Variants in EIPR1 observed in about 807,000 individuals in gnomAD.
EIPR1 encodes EARP complex and GARP complex interacting protein 1.
A neutral mutation model predicts 48.1 loss-of-function variants in EIPR1; 25 were observed. That is an observed-to-expected ratio of 0.52 (90% CI 0.38 to 0.73). The LOEUF (loss-of-function observed/expected upper bound fraction) is 0.73, where lower values mean the gene tolerates loss of function less well. Among genes scored for constraint, EIPR1 ranks in the 30% least tolerant of loss-of-function variants. The pLI is 0.00. For synonymous variants in EIPR1, 204 were observed against 201.9 expected (o/e 1.01, Z -0.09); for missense variants, 415 against 506.2 (o/e 0.82, Z 1.73).
intron 3 of EIPR1, among the ~76,000 whole-genome samples, chr2:3,284,457 G>A (rs868415660): frequency 8.3e-5 from 10 of 120,434 alleles, no homozygotes; most frequent in African/African-American, 1.6e-4. Flanking sequence ...GCCGCGCCAC[G>A]GCTGCACATA....
intron 5 of EIPR1, among the ~76,000 whole-genome samples, chr2:3,202,775 C>G (rs879903796): frequency 6.6e-6 from 1 of 152,184 alleles, no homozygotes; most frequent in African/African-American, 2.4e-5. Context: ...AATGGAGCAC[C>G]GCTTGCGTCC....
chr2:3,256,265 C>G (rs1430993048), intron 4 of EIPR1, among the ~76,000 whole-genome samples: 1 of 152,198 alleles, frequency 6.6e-6, no homozygotes, highest in African/African-American at 2.4e-5. Flanking sequence ...AACTCCACCT[C>G]GTAAGCGAAT....
At chr2:3,214,964 T>C (rs1332512347) in intron 4 of EIPR1, among the ~76,000 whole-genome samples, 1 of 152,126 alleles carries the variant, frequency 6.6e-6, no homozygotes, top group East Asian at 1.9e-4. Context: ...CCTGTCTCTC[T>C]CCATCACGTG....
At chr2:3,346,759 T>C (rs1156422624) in intron 2 of EIPR1, among the ~76,000 whole-genome samples, 2 of 152,160 alleles carry the variant, frequency 1.3e-5, no homozygotes, top group Non-Finnish European at 2.9e-5. Context: ...GAAAAGACGA[T>C]AGAAGCTGTT....
At chr2:3,280,363 C>T (rs1157941074) in intron 3 of EIPR1, among the ~76,000 whole-genome samples, 3 of 152,204 alleles carry the variant, frequency 2.0e-5, no homozygotes, top group South Asian at 2.1e-4. Context: ...CGCCCGGCCT[C>T]GTTCCCATCC....
intron 3 of EIPR1, among the ~76,000 whole-genome samples, chr2:3,336,768 G>GAAAAGAAAAGGAAAAT (rs1553302798): frequency 0.2 from 26,448 of 129,322 alleles, 3,852 homozygotes; most frequent in Non-Finnish European, 0.23. Flanking sequence ...ACTCTGTCAA[G>GAAAAGAAAAGGAAAAT]AAAAGAAAAG....
intron 3 of EIPR1, among the ~76,000 whole-genome samples, chr2:3,257,951 A>G (rs551463263): frequency 5.6e-4 from 85 of 152,340 alleles, no homozygotes; most frequent in African/African-American, 2.0e-3. Flanking sequence ...GTTTACCTAA[A>G]GTGATGAGTA....
chr2:3,275,514 AT>A (rs1353833593), intron 3 of EIPR1, among the ~76,000 whole-genome samples: 2 of 152,166 alleles, frequency 1.3e-5, no homozygotes, highest in Non-Finnish European at 2.9e-5. Flanking sequence ...ACACAACATA[AT>A]TTTTTTCTCA....
At chr2:3,302,710 C>G (rs1033068800) in intron 3 of EIPR1, among the ~76,000 whole-genome samples, 2 of 152,244 alleles carry the variant, frequency 1.3e-5, no homozygotes, top group Non-Finnish European at 2.9e-5. Context: ...CATCCTGGAA[C>G]CCCCGCCACC....
At chr2:3,351,303 T>C (rs1012658019) in intron 2 of EIPR1, among the ~76,000 whole-genome samples, 2 of 152,186 alleles carry the variant, frequency 1.3e-5, no homozygotes, top group African/African-American at 4.8e-5. Flanking sequence ...ACCTGGCCTC[T>C]TCTTATTTCT....
chr2:3,287,887 C>CAGCATGCTCCAGAAAGCTCATTT (rs1553295136), intron 3 of EIPR1, among the ~76,000 whole-genome samples: 2 of 152,230 alleles, frequency 1.3e-5, no homozygotes, highest in Admixed American at 6.5e-5. Context: ...AAAGCTCATT[C>CAGCATGCTCCAGAAAGCTCATTT]GGCATGCTGT....
At chr2:3,203,082 T>C (rs1395644670) in intron 5 of EIPR1, among the ~76,000 whole-genome samples, 3 of 152,244 alleles carry the variant, frequency 2.0e-5, no homozygotes, top group African/African-American at 7.2e-5. Flanking sequence ...GGAGCATTTA[T>C]GCTCATTTCC....
chr2:3,366,163 C>T (rs1670970437), intron 1 of EIPR1, among the ~76,000 whole-genome samples: 1 of 152,130 alleles, frequency 6.6e-6, no homozygotes, highest in Non-Finnish European at 1.5e-5. Context: ...CAAAAATTAG[C>T]TGGGTATGGT....
At chr2:3,274,553 C>G (rs1160518737) in intron 3 of EIPR1, 3 of 1,254,534 alleles carry the variant, frequency 2.4e-6, no homozygotes, top group Non-Finnish European at 3.1e-6. Context: ...GAATTTACCT[C>G]CAAAAGCCTC....
intron 4 of EIPR1, among the ~76,000 whole-genome samples, chr2:3,215,678 A>G (rs1427240726): frequency 6.6e-6 from 1 of 152,258 alleles, no homozygotes; most frequent in Non-Finnish European, 1.5e-5. Flanking sequence ...AGACATCAAT[A>G]AGGTACTACA....
At chr2:3,278,208 GGGAGACGCAGGTGGA>G (rs1667915183) in intron 3 of EIPR1, among the ~76,000 whole-genome samples, 2 of 152,162 alleles carry the variant, frequency 1.3e-5, no homozygotes, top group African/African-American at 4.8e-5. Context: ...CGAGAGGAGG[GGGAGACGCAGGTGGA>G]TGGCAAAGGC....
chr2:3,299,575 T>C (rs756639548), intron 3 of EIPR1, among the ~76,000 whole-genome samples: 1 of 152,082 alleles, frequency 6.6e-6, no homozygotes, highest in African/African-American at 2.4e-5. Flanking sequence ...CCCATTTGTA[T>C]GTTTTAAATT....
intron 3 of EIPR1, among the ~76,000 whole-genome samples, chr2:3,291,321 C>T (rs529286682): frequency 2.0e-5 from 3 of 152,130 alleles, no homozygotes; most frequent in East Asian, 3.9e-4. Flanking sequence ...ATCCACGTAG[C>T]GGGCTGCACG....
At chr2:3,218,788 C>T (rs1474016585) in intron 4 of EIPR1, among the ~76,000 whole-genome samples, 144 of 72,914 alleles carry the variant, frequency 2.0e-3, no homozygotes, top group Middle Eastern at 0.013. Flanking sequence ...TCACAGTGAC[C>T]CAGGTGCACA....
Sources: gnomAD v4.1 joint callset for allele counts (sites outside exome capture counted in the v4.1 genomes callset) on GRCh38, gnomAD v4.1.1 for gene constraint, MANE v1.5 for transcripts, NCBI Gene and HGNC (gene_info 2026-07-23, HGNC 2026-07-21) for gene names.